The following ANK2 variants were observed in gnomAD, a reference collection of about 807,000 sequenced individuals.
ANK2 encodes ankyrin 2.
ANK2 carries 83 observed loss-of-function variants against 360.5 expected under a neutral mutation model. The ratio of observed to expected loss-of-function variants is 0.23; its 90% CI spans 0.19 to 0.28. ANK2 has a LOEUF of 0.28. ANK2 is among the 10% of genes least tolerant of loss of function. The pLI is 1.00. For synonymous variants in ANK2, 1,740 were observed against 1,759.5 expected, an observed-to-expected ratio of 0.99 and a Z score of 0.28; for missense variants, 4,201 against 4,795.7, an observed-to-expected ratio of 0.88 and a Z score of 3.66.
chr4:113,278,943 C>A (rs560185302), intron 17 of ANK2, among the ~76,000 whole-genome samples: 26 of 152,076 alleles, frequency 1.7e-4, no homozygotes, highest in African/African-American at 6.3e-4. Context: ...TCATTCTTTC[C>A]GACTTCAAAC....
intron 1 of ANK2, among the ~76,000 whole-genome samples, chr4:112,847,359 A>G (rs1343937844): frequency 6.6e-6 from 1 of 152,160 alleles, no homozygotes; most frequent in Admixed American, 6.5e-5. Flanking sequence ...TAGAAATCTC[A>G]ATCATTCTTG....
At chr4:113,246,849 A>G (rs1451928623) in intron 9 of ANK2, among the ~76,000 whole-genome samples, 1 of 152,190 alleles carries the variant, frequency 6.6e-6, no homozygotes, top group Non-Finnish European at 1.5e-5. Context: ...TGAAGTGTGT[A>G]TTATTTTCTT....
At chr4:113,374,989 T>C in intron 45 of ANK2, 1 of 1,015,018 alleles carries the variant, frequency 9.9e-7, no homozygotes, top group Non-Finnish European at 1.2e-6. Flanking sequence ...GTGTGTTTTA[T>C]GTTGCTTTGC....
Position 113,357,407 on chromosome 4 carries a change from A to G in ANK2, c.8789A>G (p.Asn2930Ser). 6.2e-7 allele frequency: 1 copy of G among 1,614,058 alleles called. No homozygotes were observed. Among genetic ancestry groups the G allele is most frequent in the Non-Finnish European group, 8.5e-7 (1 of 1,179,986 alleles). Residue 2930 changes from asparagine (N) to serine (S), a missense_variant, in exon 38 of 46, where the codon AAT becomes AGT. This residue lies in a region of ANK2 where 2,642 missense variants were observed against 2,714.5 expected (regional missense o/e 0.97). Transcript: ENST00000357077. ...CCACAAATCACTAGCCCTTATGAAAATGTCCCTTCCCAATCTTTTTTCTCT... is the reference window on the plus strand; with the variant it reads ...CCACAAATCACTAGCCCTTATGAAAGTGTCCCTTCCCAATCTTTTTTCTCT... Reference protein sequence around the residue: ...YDPQITSPYENVPSQSFFSSE... With the variant: ...YDPQITSPYESVPSQSFFSSE...
chr4:112,711,869 A>G, the ANK2 span, among the ~76,000 whole-genome samples: 1 of 150,784 alleles, frequency 6.6e-6, no homozygotes, highest in East Asian at 1.9e-4. Context: ...AATTAAAAAA[A>G]GAAAAAGAAA....
intron 1 of ANK2, among the ~76,000 whole-genome samples, chr4:113,054,627 A>G (rs2068689195): frequency 6.6e-6 from 1 of 152,126 alleles, no homozygotes; most frequent in Admixed American, 6.6e-5. Flanking sequence ...ATTTATTCTG[A>G]ATAATATCCC....
chr4:112,891,664 C>G (rs1057276947), intron 1 of ANK2, among the ~76,000 whole-genome samples: 8 of 152,066 alleles, frequency 5.3e-5, no homozygotes, highest in Non-Finnish European at 1.2e-4. Flanking sequence ...CTCAGTTTCC[C>G]TGTATATAAA....
intron 2 of ANK2, among the ~76,000 whole-genome samples, chr4:112,958,899 A>C (rs1216870116): frequency 6.6e-6 from 1 of 150,542 alleles, no homozygotes; most frequent in African/African-American, 2.5e-5. Flanking sequence ...CCCAGGCTGG[A>C]GTGCGATGGC....
chr4:112,833,000 A>T (rs1276905023), intron 1 of ANK2, among the ~76,000 whole-genome samples: 1 of 152,238 alleles, frequency 6.6e-6, no homozygotes, highest in East Asian at 1.9e-4. Flanking sequence ...TAGTACAAGT[A>T]GGTTGGAAGG....
the ANK2 span, among the ~76,000 whole-genome samples, chr4:112,785,997 T>C: frequency 6.6e-6 from 1 of 151,828 alleles, no homozygotes; most frequent in East Asian, 1.9e-4. Context: ...CGTGCCACTA[T>C]GCCTGGTGAA....
chr4:113,104,721 A>AAAC (rs61326560), intron 1 of ANK2, among the ~76,000 whole-genome samples: 2,647 of 151,448 alleles, frequency 0.017, 90 homozygotes, highest in African/African-American at 0.059. Flanking sequence ...TCTCAAAGCT[A>AAAC]AACAACAACA....
the ANK2 span, among the ~76,000 whole-genome samples, chr4:112,726,717 G>A: frequency 1.3e-5 from 2 of 151,890 alleles, no homozygotes; most frequent in Non-Finnish European, 2.9e-5. Context: ...CGGGTGTAGT[G>A]GTGGGTGCCT....
intron 1 of ANK2, among the ~76,000 whole-genome samples, chr4:113,104,871 A>G (rs1297308118): frequency 6.6e-6 from 1 of 152,176 alleles, no homozygotes; most frequent in African/African-American, 2.4e-5. Context: ...AATGAAGAAC[A>G]TAATTTAGGT....
chr4:112,744,073 C>A, the ANK2 span, among the ~76,000 whole-genome samples: 1 of 151,376 alleles, frequency 6.6e-6, no homozygotes, highest in Non-Finnish European at 1.5e-5. Context: ...CTGCCCACCT[C>A]GGCCTCCCAA....
chr4:112,852,958 G>A (rs2065374297), intron 1 of ANK2, among the ~76,000 whole-genome samples: 1 of 152,166 alleles, frequency 6.6e-6, no homozygotes, highest in Non-Finnish European at 1.5e-5. Flanking sequence ...TTGGAAATTT[G>A]TTGTTATTGT....
At chr4:113,129,864 T>A (rs1284790490) in intron 1 of ANK2, among the ~76,000 whole-genome samples, 1 of 152,200 alleles carries the variant, frequency 6.6e-6, no homozygotes, top group Non-Finnish European at 1.5e-5. Flanking sequence ...AGTAGATTTT[T>A]AAAAATTTGT....
chr4:113,241,514 A>T (rs72675205), intron 8 of ANK2, among the ~76,000 whole-genome samples: 3 of 151,974 alleles, frequency 2.0e-5, no homozygotes, highest in Non-Finnish European at 4.4e-5. Context: ...ATTTTTTAAA[A>T]TTTTTTGTAG....
At chr4:113,154,355 T>C (rs1458054645) in intron 1 of ANK2, among the ~76,000 whole-genome samples, 1 of 152,228 alleles carries the variant, frequency 6.6e-6, no homozygotes, top group Non-Finnish European at 1.5e-5. Context: ...GACAATGTTA[T>C]GAAAATGTGT....
chr4:113,184,387 T>G (rs76709889), intron 2 of ANK2, among the ~76,000 whole-genome samples: 4,540 of 151,968 alleles, frequency 0.03, 225 homozygotes, highest in African/African-American at 0.1. Context: ...CAATTGTGAC[T>G]TTGTGGAAAC....
Sources: gnomAD v4.1 joint callset for allele counts (sites outside exome capture counted in the v4.1 genomes callset) on GRCh38, gnomAD v4.1.1 for gene constraint, gnomAD v4.1.1 regional missense constraint, MANE v1.5 for transcripts, NCBI Gene and HGNC (gene_info 2026-07-23, HGNC 2026-07-21) for gene names.